The following NTRK2 variants were observed in gnomAD, a reference collection of about 807,000 sequenced individuals.
NTRK2 encodes neurotrophic receptor tyrosine kinase 2, also known as BDNF/NT-3 growth factors receptor.
Under a neutral mutation model 94.5 loss-of-function variants are expected in NTRK2, and 13 were observed. The ratio of observed to expected loss-of-function variants is 0.14; its 90% CI spans 0.09 to 0.22. NTRK2 has a LOEUF of 0.22. Ranked by LOEUF, NTRK2 falls within the 10% of genes least tolerant of loss-of-function variation. The pLI, the probability that NTRK2 is intolerant of heterozygous loss-of-function variation, is 1.00. For synonymous variants in NTRK2, 372 were observed against 407.4 expected (o/e 0.91, Z 1.05); for missense variants, 639 against 1,071.2 (o/e 0.60, Z 5.63).
At chr9:84,931,632 G>A (rs2078033554) in intron 14 of NTRK2, among the ~76,000 whole-genome samples, 2 of 150,928 alleles carry the variant, frequency 1.3e-5, no homozygotes, top group Admixed American at 1.3e-4. Flanking sequence ...TAATGAAATT[G>A]TGGCTTTGGC....
At chr9:84,978,326 G>A (rs1204953615) in intron 17 of NTRK2, among the ~76,000 whole-genome samples, 1 of 152,188 alleles carries the variant, frequency 6.6e-6, no homozygotes, top group Non-Finnish European at 1.5e-5. Flanking sequence ...TGACAAGAAA[G>A]CAAAACAGCC....
chr9:84,799,108 C>A (rs2070051948), intron 12 of NTRK2, among the ~76,000 whole-genome samples: 2 of 151,916 alleles, frequency 1.3e-5, no homozygotes, highest in African/African-American at 4.8e-5. Context: ...GTGGGTCAGG[C>A]TTTAGCACAG....
At chr9:84,890,325 G>A (rs1022777132) in intron 14 of NTRK2, among the ~76,000 whole-genome samples, 2 of 152,136 alleles carry the variant, frequency 1.3e-5, no homozygotes, top group Admixed American at 1.3e-4. Flanking sequence ...GACCCTTACC[G>A]TCCTCATGTG....
chr9:84,919,802 T>C (rs1452018755), intron 14 of NTRK2, among the ~76,000 whole-genome samples: 1 of 152,220 alleles, frequency 6.6e-6, no homozygotes, highest in East Asian at 1.9e-4. Context: ...TACATTTCAT[T>C]GTTCAGAGTG....
intron 17 of NTRK2, among the ~76,000 whole-genome samples, chr9:84,976,347 A>G (rs1826863226): frequency 6.6e-6 from 1 of 152,092 alleles, no homozygotes; most frequent in Non-Finnish European, 1.5e-5. Context: ...GTTCTATGGG[A>G]TTAGGGCTCT....
At chr9:84,943,118 A>T (rs2078470273) in intron 15 of NTRK2, among the ~76,000 whole-genome samples, 1 of 152,158 alleles carries the variant, frequency 6.6e-6, no homozygotes, top group Non-Finnish European at 1.5e-5. Flanking sequence ...TGTTTCTATG[A>T]TCTCTAAAAT....
intron 9 of NTRK2, among the ~76,000 whole-genome samples, chr9:84,733,363 A>G (rs1044035577): frequency 3.9e-5 from 6 of 152,214 alleles, no homozygotes; most frequent in African/African-American, 2.4e-5. Context: ...TCACTTTGGT[A>G]TAAGTTACTG....
intron 2 of NTRK2, among the ~76,000 whole-genome samples, chr9:84,693,077 C>T (rs1183656947): frequency 6.6e-6 from 1 of 152,154 alleles, no homozygotes; most frequent in Admixed American, 6.5e-5. Flanking sequence ...TTTCTTAAGA[C>T]AACATGGAAA....
At chr9:84,688,270 AG>A (rs1355818779) in intron 2 of NTRK2, among the ~76,000 whole-genome samples, 2 of 152,250 alleles carry the variant, frequency 1.3e-5, no homozygotes, top group Non-Finnish European at 2.9e-5. Flanking sequence ...TCAGGGCTAA[AG>A]GTGCCATGGA....
intron 12 of NTRK2, among the ~76,000 whole-genome samples, chr9:84,818,164 G>A (rs947803263): frequency 6.6e-6 from 1 of 152,174 alleles, no homozygotes; most frequent in African/African-American, 2.4e-5. Context: ...ACTGAGGAAT[G>A]GAGCCATGAG....
chr9:84,875,525 C>A (rs1423771953), intron 14 of NTRK2: 1 of 1,062,958 alleles, frequency 9.4e-7, no homozygotes, highest in Non-Finnish European at 1.1e-6. Flanking sequence ...TCACTTTTTG[C>A]CTCCAAGTTC....
intron 12 of NTRK2, among the ~76,000 whole-genome samples, chr9:84,773,472 T>A (rs1183633278): frequency 6.6e-6 from 1 of 152,224 alleles, no homozygotes; most frequent in Non-Finnish European, 1.5e-5. Flanking sequence ...GAGGAGGGAT[T>A]AGTGCGGGGT....
intron 14 of NTRK2, among the ~76,000 whole-genome samples, chr9:84,910,556 C>G (rs1470474627): frequency 1.3e-5 from 2 of 152,118 alleles, no homozygotes; most frequent in African/African-American, 4.8e-5. Flanking sequence ...GAAATCCTAA[C>G]CTTAATTACA....
chr9:84,946,519 G>A (rs1235795516), intron 15 of NTRK2, among the ~76,000 whole-genome samples: 1 of 152,210 alleles, frequency 6.6e-6, no homozygotes, highest in Non-Finnish European at 1.5e-5. Context: ...AGGTAAGCAT[G>A]AGGTGCACCT....
chr9:84,880,092 A>G (rs1043784523), intron 14 of NTRK2, among the ~76,000 whole-genome samples: 5 of 152,180 alleles, frequency 3.3e-5, no homozygotes, highest in Non-Finnish European at 7.3e-5. Flanking sequence ...AAAAGTTTAC[A>G]TTTTTAGTTT....
At chr9:84,939,815 G>T (rs2078343635) in intron 15 of NTRK2, among the ~76,000 whole-genome samples, 1 of 151,936 alleles carries the variant, frequency 6.6e-6, no homozygotes, top group African/African-American at 2.4e-5. Flanking sequence ...CTAGATCCAG[G>T]GAATGAACGA....
chr9:84,812,167 C>T, intron 12 of NTRK2: 1 of 1,058,294 alleles, frequency 9.4e-7, no homozygotes, highest in Non-Finnish European at 1.1e-6. Context: ...CCTCTGTAAA[C>T]CAAGGCATTA....
intron 2 of NTRK2, among the ~76,000 whole-genome samples, chr9:84,682,178 A>G (rs963055034): frequency 2.0e-5 from 3 of 152,036 alleles, no homozygotes; most frequent in Admixed American, 1.3e-4. Context: ...ACTGCCCAAC[A>G]CCAATGCTGA....
chr9:84,994,122 A>G (rs1442884341), intron 17 of NTRK2, among the ~76,000 whole-genome samples: 1 of 152,198 alleles, frequency 6.6e-6, no homozygotes, highest in African/African-American at 2.4e-5. Context: ...TCACCCACCA[A>G]GAACTATGTA....
Sources: allele counts gnomAD v4.1 joint callset (sites outside exome capture counted in the v4.1 genomes callset), GRCh38; gene constraint gnomAD v4.1.1; transcripts MANE v1.5; gene names NCBI Gene and HGNC (gene_info 2026-07-23, HGNC 2026-07-21).